The following KCNQ5 variants were observed in gnomAD, a reference collection of about 807,000 sequenced individuals.
KCNQ5 encodes the protein potassium voltage-gated channel subfamily Q member 5, also known as potassium voltage-gated channel subfamily KQT member 5.
In KCNQ5, 30 loss-of-function variants were observed where a neutral mutation model predicts 98.2. That is an observed-to-expected ratio of 0.31 (90% CI 0.23 to 0.41). The LOEUF is 0.41. KCNQ5 is among the 10% of genes least tolerant of loss of function. The probability of loss-of-function intolerance (pLI) is 1.00; values close to 1 mark genes in which losing one functional copy is unlikely to be tolerated. For missense variants in KCNQ5, 835 were observed against 1,182.5 expected, an observed-to-expected ratio of 0.71 and a Z score of 4.31; for synonymous variants, 458 against 449.4, an observed-to-expected ratio of 1.02 and a Z score of -0.24.
rs11751037 is a variant in KCNQ5, at chr6:72,879,258, C to T, written c.399-124650C>T. On this transcript the variant is annotated intron_variant, in intron 1 of 13. Transcript: ENST00000370398. ...AGAGTGGTGAGAGATATGAGATTTC[C>T]AATTTCTCCTTATTCTTACCAATAC... Among the ~76,000 whole-genome samples the T allele has an allele frequency of 5.1e-3, 782 of 152,126 alleles. 8 individuals are homozygous for T. The highest frequency in any genetic ancestry group is 8.3e-3 in the Non-Finnish European group (567 of 67,970).
At chr6:73,191,222 A>G (rs1414582545) in intron 12 of KCNQ5, among the ~76,000 whole-genome samples, 1 of 152,106 alleles carries the variant, frequency 6.6e-6, no homozygotes, top group East Asian at 1.9e-4. Flanking sequence ...AGTCTACTGC[A>G]GAGCACAAGA....
At chr6:73,106,344 A>C (rs1046725583) in intron 6 of KCNQ5, among the ~76,000 whole-genome samples, 2 of 152,120 alleles carry the variant, frequency 1.3e-5, no homozygotes, top group East Asian at 3.9e-4. Flanking sequence ...TGGGTACTAG[A>C]CCTCAGTTTG....
chr6:72,983,019 T>A (rs938559387), intron 1 of KCNQ5, among the ~76,000 whole-genome samples: 2 of 152,224 alleles, frequency 1.3e-5, no homozygotes, highest in African/African-American at 4.8e-5. Flanking sequence ...TCTGGCTTGT[T>A]GAGTTTCTGC....
chr6:72,647,774 G>A (rs888410177), intron 1 of KCNQ5, among the ~76,000 whole-genome samples: 1 of 152,140 alleles, frequency 6.6e-6, no homozygotes, highest in Non-Finnish European at 1.5e-5. Flanking sequence ...GTTCCTATGG[G>A]AATGACTCCC....
At chr6:73,137,103 GAA>G (rs71866343) in intron 10 of KCNQ5, among the ~76,000 whole-genome samples, 6 of 148,728 alleles carry the variant, frequency 4.0e-5, no homozygotes, top group South Asian at 4.3e-4. Flanking sequence ...GTATAATAGA[GAA>G]AAAAAAAATA....
chr6:73,022,600 T>C (rs1770655956), intron 2 of KCNQ5, among the ~76,000 whole-genome samples: 1 of 152,092 alleles, frequency 6.6e-6, no homozygotes. Flanking sequence ...CAGAATGAGT[T>C]TCTGTCTCTG....
chr6:72,676,700 C>CT (rs1372557347), intron 1 of KCNQ5, among the ~76,000 whole-genome samples: 7 of 152,010 alleles, frequency 4.6e-5, no homozygotes, highest in Non-Finnish European at 1.0e-4. Flanking sequence ...TCTATTTTTG[C>CT]TTTTTTCCAT....
chr6:73,176,163 C>G (rs181226631), intron 11 of KCNQ5, among the ~76,000 whole-genome samples: 1 of 152,158 alleles, frequency 6.6e-6, no homozygotes, highest in African/African-American at 2.4e-5. Flanking sequence ...TGTGTCCTTG[C>G]CCAAATCTCA....
intron 3 of KCNQ5, among the ~76,000 whole-genome samples, chr6:73,051,211 CT>C (rs1772218820): frequency 6.6e-6 from 1 of 152,174 alleles, no homozygotes; most frequent in African/African-American, 2.4e-5. Context: ...GCTGCCACTG[CT>C]GCCAGTGTGA....
At chr6:73,141,640 T>C (rs1776715403) in intron 10 of KCNQ5, among the ~76,000 whole-genome samples, 1 of 152,168 alleles carries the variant, frequency 6.6e-6, no homozygotes. Context: ...TTTCATCTCC[T>C]CCCTTCCAGC....
intron 1 of KCNQ5, among the ~76,000 whole-genome samples, chr6:72,917,154 C>A (rs149372197): frequency 6.6e-6 from 1 of 152,278 alleles, no homozygotes; most frequent in East Asian, 1.9e-4. Context: ...AGTTAGGGAG[C>A]AGACAGTCCT....
chr6:72,994,736 G>T (rs1470005061), intron 1 of KCNQ5, among the ~76,000 whole-genome samples: 1 of 152,144 alleles, frequency 6.6e-6, no homozygotes, highest in African/African-American at 2.4e-5. Context: ...ATATGATTAA[G>T]AAACAGTGAA....
intron 5 of KCNQ5, among the ~76,000 whole-genome samples, chr6:73,081,074 T>C (rs17751765): frequency 0.015 from 2,307 of 152,346 alleles, 27 homozygotes; most frequent in Middle Eastern, 0.027. Flanking sequence ...ACATCATTGC[T>C]GTGGAAGTTA....
chr6:72,632,270 A>T (rs1227048191), intron 1 of KCNQ5, among the ~76,000 whole-genome samples: 13 of 150,122 alleles, frequency 8.7e-5, no homozygotes, highest in Admixed American at 4.6e-4. Flanking sequence ...CCCAAGTAGC[A>T]GGGACTACAG....
intron 1 of KCNQ5, among the ~76,000 whole-genome samples, chr6:72,659,835 A>G (rs987989611): frequency 1.3e-5 from 2 of 152,216 alleles, no homozygotes; most frequent in Non-Finnish European, 2.9e-5. Context: ...CCCCCATAAA[A>G]AGCAAAATTT....
At chr6:73,065,161 C>T (rs1366611616) in intron 3 of KCNQ5, among the ~76,000 whole-genome samples, 1 of 152,124 alleles carries the variant, frequency 6.6e-6, no homozygotes, top group Non-Finnish European at 1.5e-5. Flanking sequence ...ATTAACATGG[C>T]CATAACGGAC....
At chr6:73,049,412 T>C (rs1453956995) in intron 3 of KCNQ5, among the ~76,000 whole-genome samples, 1 of 152,246 alleles carries the variant, frequency 6.6e-6, no homozygotes, top group Non-Finnish European at 1.5e-5. Flanking sequence ...AGACATTGTT[T>C]ACTTCACTCT....
At chr6:73,068,203 G>A (rs1773152033) in intron 3 of KCNQ5, among the ~76,000 whole-genome samples, 1 of 152,110 alleles carries the variant, frequency 6.6e-6, no homozygotes, top group African/African-American at 2.4e-5. Flanking sequence ...GGCTGAGGCA[G>A]GAGAGACACT....
intron 6 of KCNQ5, among the ~76,000 whole-genome samples, chr6:73,109,816 A>T (rs1356853487): frequency 2.6e-5 from 4 of 152,218 alleles, no homozygotes. Context: ...TTCATAGTAC[A>T]GTCATTTATA....
Sources: gnomAD v4.1 joint callset for allele counts (sites outside exome capture counted in the v4.1 genomes callset) on GRCh38, gnomAD v4.1.1 for gene constraint, MANE v1.5 for transcripts, NCBI Gene and HGNC (gene_info 2026-07-23, HGNC 2026-07-21) for gene names.